The following CLPB variants were observed in gnomAD, a reference collection of about 807,000 sequenced individuals.
CLPB encodes ClpB family mitochondrial disaggregase.
A neutral mutation model predicts 78.4 loss-of-function variants in CLPB; 40 were observed. That is an observed-to-expected ratio of 0.51 (90% CI 0.40 to 0.66). The LOEUF (loss-of-function observed/expected upper bound fraction) is 0.66, where lower values mean the gene tolerates loss of function less well. CLPB is among the 30% of genes least tolerant of loss of function. The probability of loss-of-function intolerance (pLI) is 0.00; values close to 1 mark genes in which losing one functional copy is unlikely to be tolerated. For synonymous variants in CLPB, 333 were observed against 348.0 expected (o/e 0.96, Z 0.48); for missense variants, 780 against 886.9 (o/e 0.88, Z 1.53).
At chr11:72,339,067 A>G (rs1279035666) in intron 5 of CLPB, among the ~76,000 whole-genome samples, 3 of 152,176 alleles carry the variant, frequency 2.0e-5, no homozygotes, top group Admixed American at 6.5e-5. Context: ...GGCAGCAAAC[A>G]CTTGGTCCTT....
intron 2 of CLPB, among the ~76,000 whole-genome samples, chr11:72,407,929 G>A (rs773070684): frequency 3.4e-4 from 51 of 151,936 alleles, no homozygotes; most frequent in Non-Finnish European, 6.5e-4. Context: ...TTACAGGCAT[G>A]AGCCACCGCG....
intron 3 of CLPB, among the ~76,000 whole-genome samples, chr11:72,401,783 T>C (rs1855570825): frequency 6.6e-6 from 1 of 152,222 alleles, no homozygotes; most frequent in African/African-American, 2.4e-5. Context: ...TCTTTGAAAG[T>C]ATCCCTTTTT....
At chr11:72,313,488 C>T (rs1032003283) in intron 7 of CLPB, among the ~76,000 whole-genome samples, 1 of 152,228 alleles carries the variant, frequency 6.6e-6, no homozygotes, top group Admixed American at 6.5e-5. Context: ...AGTTCAACAA[C>T]TTTTTATACA....
chr11:72,297,071 G>C (rs1346946630), intron 11 of CLPB, among the ~76,000 whole-genome samples: 2 of 152,216 alleles, frequency 1.3e-5, no homozygotes, highest in Non-Finnish European at 2.9e-5. Flanking sequence ...GCCAAATTCA[G>C]TTTGATCCTC....
At position 72,317,173 on chromosome 11, in the gene CLPB, G is replaced by A. The variant is rs561993207; in HGVS notation, c.921C>T (p.Phe307=). The change falls in exon 7 of 16, where the codon TTC becomes TTT. Residue 307 remains phenylalanine, a synonymous_variant. Transcript: ENST00000538039. Reference sequence around the variant, plus strand: ...GCTCCTTTAGTCGCTGCTCCAGGGGGAAGCGGCGCCGCTCCTCAGCCTCAC... The same window carrying A: ...GCTCCTTTAGTCGCTGCTCCAGGGGAAAGCGGCGCCGCTCCTCAGCCTCAC... ...RKREAEERRR[F]PLEQRLKEHI... 3.2e-5 allele frequency: 51 copies of A among 1,612,290 alleles called. No homozygotes were observed. In the South Asian group the frequency reaches 5.4e-4, roughly 17 times the overall value.
At position 72,287,681 on chromosome 11, in the gene CLPB, A is replaced by C. The variant is rs772791454; in HGVS notation, c.*5686T>G. 9 of 152,220 alleles carry C rather than the reference A, an allele frequency of 5.9e-5. No homozygotes were observed. Among genetic ancestry groups the C allele is most frequent in the Non-Finnish European group, 1.2e-4 (8 of 68,052 alleles). 9.4% of individuals were successfully genotyped at this position (152,220 alleles called of 1,614,324 possible). On this transcript the variant is annotated 3_prime_UTR_variant, in exon 16 of 16. Coordinates refer to ENST00000538039, the MANE Select transcript of CLPB (RefSeq NM_001258392.3). The stretch of plus-strand genomic sequence containing the variant: ...CATCTTATGGTGCTCAAAAAGGATA[A>C]AATTTTAACCACCTTTCCAGTTTCT...
intron 6 of CLPB, among the ~76,000 whole-genome samples, chr11:72,319,486 CTCT>C: frequency 6.6e-6 from 1 of 152,326 alleles, no homozygotes; most frequent in East Asian, 1.9e-4. Flanking sequence ...TGAGGTTTGG[CTCT>C]TCTTTTGGCT....
chr11:72,314,377 C>T (rs2135522918), intron 7 of CLPB, among the ~76,000 whole-genome samples: 2 of 152,168 alleles, frequency 1.3e-5, no homozygotes, highest in East Asian at 3.9e-4. Flanking sequence ...CCTGCCCACC[C>T]CAGGGGTCAA....
chr11:72,358,506 C>T (rs1950764835), intron 5 of CLPB, among the ~76,000 whole-genome samples: 1 of 152,058 alleles, frequency 6.6e-6, no homozygotes, highest in Admixed American at 6.6e-5. Flanking sequence ...GTTTCATTAG[C>T]TCTGCTTTGG....
intron 3 of CLPB, among the ~76,000 whole-genome samples, chr11:72,383,820 A>G (rs923173672): frequency 4.6e-5 from 7 of 152,236 alleles, no homozygotes; most frequent in African/African-American, 1.4e-4. Flanking sequence ...GACCTGTCTT[A>G]TATTTCTTAG....
At chr11:72,372,656 A>C (rs1021227975) in intron 4 of CLPB, among the ~76,000 whole-genome samples, 1 of 152,110 alleles carries the variant, frequency 6.6e-6, no homozygotes, top group Non-Finnish European at 1.5e-5. Context: ...CCCCAGACAT[A>C]CTCAATCAGA....
intron 6 of CLPB, among the ~76,000 whole-genome samples, chr11:72,325,949 T>C (rs1250114795): frequency 6.6e-6 from 1 of 152,244 alleles, no homozygotes; most frequent in Non-Finnish European, 1.5e-5. Context: ...TACATAGATA[T>C]GATCCAGAGA....
chr11:72,434,004 C>A, intron 1 of CLPB, 68 bp downstream of exon 1: 2 of 1,545,844 alleles, frequency 1.3e-6, no homozygotes, highest in East Asian at 4.5e-5. Context: ...ACCTCCCACC[C>A]TCCTAAGATA....
intron 3 of CLPB, among the ~76,000 whole-genome samples, chr11:72,386,324 G>C (rs562893489): frequency 1.3e-5 from 2 of 152,060 alleles, no homozygotes; most frequent in Admixed American, 6.5e-5. Flanking sequence ...TTCTCTTAGG[G>C]TGTCTATCTT....
intron 4 of CLPB, among the ~76,000 whole-genome samples, chr11:72,371,567 A>G (rs1285944203): frequency 6.6e-6 from 1 of 150,950 alleles, no homozygotes; most frequent in Non-Finnish European, 1.5e-5. Flanking sequence ...ATAAAATAAA[A>G]TAAAATAAAA....
At chr11:72,406,326 G>C (rs141856869) in intron 2 of CLPB, among the ~76,000 whole-genome samples, 36 of 152,262 alleles carry the variant, frequency 2.4e-4, no homozygotes, top group African/African-American at 8.4e-4. Context: ...TTGCTCTAGA[G>C]GTAGGGCTGA....
At chr11:72,328,800 C>T (rs752327672) in intron 6 of CLPB, among the ~76,000 whole-genome samples, 2 of 152,226 alleles carry the variant, frequency 1.3e-5, no homozygotes, top group Non-Finnish European at 2.9e-5. Context: ...GGACCAAAGG[C>T]AAGCCACATC....
chr11:72,432,985 C>A (rs1440642560), intron 1 of CLPB, among the ~76,000 whole-genome samples: 1 of 152,168 alleles, frequency 6.6e-6, no homozygotes, highest in Non-Finnish European at 1.5e-5. Context: ...TCACATAGGT[C>A]ATCAGTCTGG....
At chr11:72,366,298 T>G (rs1950941027) in intron 4 of CLPB, among the ~76,000 whole-genome samples, 1 of 152,282 alleles carries the variant, frequency 6.6e-6, no homozygotes, top group Non-Finnish European at 1.5e-5. Context: ...CACTGCAACT[T>G]CCGCCTCCCA....
Sources: allele counts gnomAD v4.1 joint callset (sites outside exome capture counted in the v4.1 genomes callset), GRCh38; gene constraint gnomAD v4.1.1; transcripts MANE v1.5; gene names NCBI Gene and HGNC (gene_info 2026-07-23, HGNC 2026-07-21).